Variants in AEBP2 observed in about 807,000 individuals in gnomAD.
The protein encoded by AEBP2 is zinc finger protein AEBP2.
AEBP2 carries 10 observed loss-of-function variants against 50.8 expected under a neutral mutation model. The ratio of observed to expected loss-of-function variants is 0.20; its 90% CI spans 0.12 to 0.33. The LOEUF (loss-of-function observed/expected upper bound fraction) is 0.33, where lower values mean the gene tolerates loss of function less well. Among genes scored for constraint, AEBP2 ranks in the 10% least tolerant of loss-of-function variants. The probability of loss-of-function intolerance (pLI) is 1.00; values close to 1 mark genes in which losing one functional copy is unlikely to be tolerated. For synonymous variants in AEBP2, 296 were observed against 261.3 expected (o/e 1.13, Z -1.28); for missense variants, 570 against 688.0 (o/e 0.83, Z 1.92).
intron 4 of AEBP2, among the ~76,000 whole-genome samples, chr12:19,498,448 A>G (rs1218886487): frequency 6.6e-6 from 1 of 152,088 alleles, no homozygotes; most frequent in Non-Finnish European, 1.5e-5. Flanking sequence ...TTGTTTAGGT[A>G]TGTTCTATTT....
At chr12:19,465,254 T>A (rs1489400127) in intron 2 of AEBP2, among the ~76,000 whole-genome samples, 1 of 151,582 alleles carries the variant, frequency 6.6e-6, no homozygotes, top group Non-Finnish European at 1.5e-5. Flanking sequence ...ATTAGCTGGG[T>A]ATAGTTGCGT....
intron 1 of AEBP2, among the ~76,000 whole-genome samples, chr12:19,460,721 C>T (rs1486252997): frequency 6.7e-6 from 1 of 149,538 alleles, no homozygotes; most frequent in Non-Finnish European, 1.5e-5. Context: ...GTGCCGCTAT[C>T]TCTGCTCACA....
chr12:19,421,344 C>CA (rs375160231), intron 1 of AEBP2, among the ~76,000 whole-genome samples: 36,406 of 82,112 alleles, frequency 0.44, 8,273 homozygotes, highest in Non-Finnish European at 0.55. Context: ...GACTCTGTCT[C>CA]AAAAAAAAAA....
chr12:19,518,289 T>C lies in AEBP2; in HGVS notation c.*172T>C. The C allele has an allele frequency of 7.6e-7, 1 of 1,311,300 alleles. No homozygotes were observed. 81.2% of individuals were successfully genotyped at this position (1,311,300 alleles called of 1,614,324 possible). ...ATGCTTAGTGTAAACATTCTGTGAA[T>C]GAAGTAGACTCTTCGGTGGAATATA... On this transcript the variant is annotated 3_prime_UTR_variant, in exon 8 of 8. Transcript: ENST00000266508.
intron 6 of AEBP2, among the ~76,000 whole-genome samples, chr12:19,513,231 T>C (rs1949262953): frequency 6.6e-6 from 1 of 152,186 alleles, no homozygotes. Context: ...TGGTATTTTA[T>C]AGAAAAAGCA....
chr12:19,430,306 G>A (rs2095750764), intron 1 of AEBP2, among the ~76,000 whole-genome samples: 1 of 152,092 alleles, frequency 6.6e-6, no homozygotes, highest in Non-Finnish European at 1.5e-5. Context: ...CATTATTTCT[G>A]AGGGCTCTGT....
At position 19,521,439 on chromosome 12, in the gene AEBP2, G is replaced by C. The variant is rs1220287378; in HGVS notation, c.*3322G>C. On this transcript the variant is annotated 3_prime_UTR_variant, in exon 8 of 8. Coordinates refer to ENST00000266508, the MANE Select transcript of AEBP2 (RefSeq NM_153207.5). ...TTTGCTAAGAACTAAATAAGATTTT[G>C]TACATCAGATTGTGTTTGAACCGTA... is the stretch of plus-strand genomic sequence containing the variant. The C allele has an allele frequency of 6.6e-6, 1 of 152,012 alleles. No individual in the cohort carries two copies. The highest frequency in any genetic ancestry group is 1.5e-5 in the Non-Finnish European group (1 of 67,984). The allele number at this position is 152,012 out of a possible 1,614,324, so 9.4% of individuals were successfully genotyped here.
chr12:19,431,396 C>T (rs373930576), intron 1 of AEBP2, among the ~76,000 whole-genome samples: 15 of 152,090 alleles, frequency 9.9e-5, no homozygotes, highest in Middle Eastern at 3.4e-3. Flanking sequence ...TTTTAATAAT[C>T]GAGAGAGTTT....
chr12:19,471,507 G>GT (rs35003798), intron 2 of AEBP2, among the ~76,000 whole-genome samples: 13,798 of 147,442 alleles, frequency 0.094, 682 homozygotes, highest in Middle Eastern at 0.15. Context: ...TAGCATTTAA[G>GT]TTTTTTTTTT....
At chr12:19,438,237 A>G (rs533144272), upstream of AEBP2, among the ~76,000 whole-genome samples, 1 of 152,356 alleles carries the variant, frequency 6.6e-6, no homozygotes, top group South Asian at 2.1e-4. Context: ...AAGTTGAAAG[A>G]GAACCTAATC....
At chr12:19,460,662 T>G (rs1325197362) in intron 1 of AEBP2, among the ~76,000 whole-genome samples, 1 of 151,666 alleles carries the variant, frequency 6.6e-6, no homozygotes, top group East Asian at 1.9e-4. Context: ...TGAAAGTTTT[T>G]TTTTTTTTTT....
chr12:19,511,257 T>C (rs746156655), intron 5 of AEBP2, among the ~76,000 whole-genome samples: 1 of 152,206 alleles, frequency 6.6e-6, no homozygotes, highest in Non-Finnish European at 1.5e-5. Context: ...AAATGGTATC[T>C]GAATATGATA....
upstream of AEBP2, among the ~76,000 whole-genome samples, chr12:19,438,647 A>G (rs1419356381): frequency 6.6e-6 from 1 of 152,230 alleles, no homozygotes; most frequent in Non-Finnish European, 1.5e-5. Flanking sequence ...AATATAAAAA[A>G]CAACCCAGAT....
At position 19,518,171 on chromosome 12, in the gene AEBP2, C is replaced by G; in HGVS notation, c.*54C>G. ...AAGCGGGGACACCTGCAGTCTTAGTCACTGACAATGGGTTTAGGGAAAGTT... is the reference window on the plus strand; with the variant it reads ...AAGCGGGGACACCTGCAGTCTTAGTGACTGACAATGGGTTTAGGGAAAGTT... On this transcript the variant is annotated 3_prime_UTR_variant, in exon 8 of 8. Transcript: ENST00000266508. The G allele has an allele frequency of 6.5e-7, 1 of 1,528,216 alleles. No homozygotes were observed. Among genetic ancestry groups the G allele is most frequent in the East Asian group, 2.4e-5 (1 of 41,558 alleles). The allele number at this position is 1,528,216 out of a possible 1,614,324, so 94.7% of individuals were successfully genotyped here.
intron 3 of AEBP2, among the ~76,000 whole-genome samples, chr12:19,491,858 C>T (rs11044605): frequency 0.021 from 3,268 of 152,190 alleles, 39 homozygotes; most frequent in East Asian, 0.042. Context: ...TGTGAGTTGA[C>T]ATAGATATGC....
At chr12:19,456,109 C>T (rs904923989) in intron 1 of AEBP2, 80 of 510,004 alleles carry the variant, frequency 1.6e-4, no homozygotes, top group African/African-American at 1.3e-3. Flanking sequence ...TTCTCCTTTC[C>T]TTCTGAAGGT....
chr12:19,500,331 C>T (rs1592772847), intron 5 of AEBP2, 110 bp downstream of exon 5: 1 of 1,090,840 alleles, frequency 9.2e-7, no homozygotes, highest in East Asian at 3.0e-5. Context: ...TAACAGAAAT[C>T]ACAAAACCTT....
At chr12:19,411,528 A>G (rs2095739218) in intron 1 of AEBP2, among the ~76,000 whole-genome samples, 1 of 151,118 alleles carries the variant, frequency 6.6e-6, no homozygotes, top group African/African-American at 2.5e-5. Flanking sequence ...TGCATCTCTA[A>G]AAGGGGATTT....
chr12:19,423,917 C>T (rs757880747), intron 1 of AEBP2, among the ~76,000 whole-genome samples: 9 of 152,218 alleles, frequency 5.9e-5, no homozygotes, highest in Non-Finnish European at 7.4e-5. Context: ...TTATGTGAGA[C>T]GGAAACACAT....
Sources: allele counts gnomAD v4.1 joint callset (sites outside exome capture counted in the v4.1 genomes callset), GRCh38; gene constraint gnomAD v4.1.1; transcripts MANE v1.5; gene names NCBI Gene and HGNC (gene_info 2026-07-23, HGNC 2026-07-21).